MYO1H: variants seen among roughly 807,000 people sequenced by gnomAD.
MYO1H encodes the protein myosin IH.
In MYO1H, 118 loss-of-function variants were observed where a neutral mutation model predicts 149.3. The observed-to-expected ratio is 0.79, with a 90% confidence interval of 0.68 to 0.92. The LOEUF is 0.92. Among genes scored for constraint, MYO1H ranks in the 40% least tolerant of loss-of-function variants. MYO1H has a pLI of 0.00. For missense variants in MYO1H, 1,212 were observed against 1,280.7 expected, an observed-to-expected ratio of 0.95 and a Z score of 0.82; for synonymous variants, 447 against 465.2, an observed-to-expected ratio of 0.96 and a Z score of 0.50.
chr12:109,410,713 A>G (rs1320166264), exon 13 of MYO1H: 7 of 1,601,290 alleles, frequency 4.4e-6, no homozygotes, highest in Non-Finnish European at 6.0e-6. Flanking sequence ...TATTTCAACA[A>G]CAAGATCATC....
chr12:109,387,818 C>T (rs1166149770), intron 1 of MYO1H, among the ~76,000 whole-genome samples: 5 of 152,356 alleles, frequency 3.3e-5, no homozygotes, highest in East Asian at 3.9e-4. Context: ...CCTCTCCCAA[C>T]GCACACCTGC....
At chr12:109,356,415 C>G (rs1351893514) in intron 1 of MYO1H, among the ~76,000 whole-genome samples, 1 of 151,758 alleles carries the variant, frequency 6.6e-6, no homozygotes, top group Non-Finnish European at 1.5e-5. Context: ...TTTACAAGAT[C>G]AGCTACAAAT....
intron 15 of MYO1H, among the ~76,000 whole-genome samples, chr12:109,416,386 T>C (rs1870913076): frequency 6.6e-6 from 1 of 151,844 alleles, no homozygotes. Context: ...TTGGTTTTTT[T>C]TTTTTTGACA....
intron 1 of MYO1H, among the ~76,000 whole-genome samples, chr12:109,379,505 T>TTTA (rs1566021457): frequency 6.6e-6 from 1 of 152,198 alleles, no homozygotes; most frequent in Non-Finnish European, 1.5e-5. Context: ...ACTATGGGAT[T>TTTA]GTTTTAGTAA....
intron 22 of MYO1H, among the ~76,000 whole-genome samples, chr12:109,438,086 T>TA (rs58487735): frequency 0.37 from 35,674 of 96,682 alleles, 6,547 homozygotes; most frequent in African/African-American, 0.44. Context: ...AGGCTCTGTC[T>TA]AAAAAAAAAA....
At chr12:109,338,136 A>G in the MYO1H span, among the ~76,000 whole-genome samples, 1 of 152,042 alleles carries the variant, frequency 6.6e-6, no homozygotes, top group South Asian at 2.1e-4. Context: ...TGGCGCCATT[A>G]TGGCTCACTG....
At chr12:109,446,275 T>C in intron 31 of MYO1H, 4 of 985,424 alleles carry the variant, frequency 4.1e-6, no homozygotes, top group Non-Finnish European at 4.8e-6. Context: ...GTCCCAGTGG[T>C]CCTCGCTGGC....
chr12:109,432,296 G>A (rs866379649), intron 19 of MYO1H, among the ~76,000 whole-genome samples: 9 of 151,878 alleles, frequency 5.9e-5, no homozygotes, highest in African/African-American at 1.2e-4. Context: ...GAGCCCCTGC[G>A]CCTGGCCTTT....
chr12:109,427,428 TG>T, intron 18 of MYO1H, 40 bp from the exon 19 acceptor site: 1 of 1,331,212 alleles, frequency 7.5e-7, no homozygotes, highest in Non-Finnish European at 1.1e-6. Flanking sequence ...TATGAAGCCA[TG>T]GGATCCTTTC....
exon 32 of MYO1H, chr12:109,447,283 A>AC: frequency 9.6e-7 from 1 of 1,043,406 alleles, no homozygotes; most frequent in South Asian, 1.3e-5. Flanking sequence ...TCTTCAAGGT[A>AC]CCAGGCCCGC....
At chr12:109,370,857 C>T (rs1566019998) in intron 1 of MYO1H, among the ~76,000 whole-genome samples, 1 of 152,178 alleles carries the variant, frequency 6.6e-6, no homozygotes. Context: ...ATGAAAAAGA[C>T]TTACCCCTGA....
At chr12:109,311,881 T>C in the MYO1H span, among the ~76,000 whole-genome samples, 1 of 152,134 alleles carries the variant, frequency 6.6e-6, no homozygotes, top group Non-Finnish European at 1.5e-5. Context: ...AAGCAATAGG[T>C]ATGTGGCTTT....
At chr12:109,321,312 G>A in the MYO1H span, among the ~76,000 whole-genome samples, 1 of 152,190 alleles carries the variant, frequency 6.6e-6, no homozygotes, top group East Asian at 1.9e-4. Context: ...AGCACTGGGA[G>A]GCTGAGGCAA....
the MYO1H span, among the ~76,000 whole-genome samples, chr12:109,330,035 G>A: frequency 7.9e-5 from 12 of 152,156 alleles, no homozygotes; most frequent in Non-Finnish European, 1.0e-4. Flanking sequence ...GGGGGCCTGG[G>A]ACAGAAAACA....
chr12:109,331,254 G>A, the MYO1H span, among the ~76,000 whole-genome samples: 3 of 152,188 alleles, frequency 2.0e-5, no homozygotes, highest in Non-Finnish European at 4.4e-5. Context: ...AGAGTTTTTA[G>A]TTGTCCCAGC....
chr12:109,401,252 C>A (rs1357235250), exon 6 of MYO1H: 1 of 1,612,678 alleles, frequency 6.2e-7, no homozygotes, highest in East Asian at 2.2e-5. Flanking sequence ...AGACCCCCAG[C>A]TGTATAAATA....
intron 6 of MYO1H, chr12:109,401,559 A>G (rs1870161443): frequency 3.5e-6 from 1 of 287,050 alleles, no homozygotes; most frequent in East Asian, 6.5e-5. Flanking sequence ...CCTGGGCCAT[A>G]CCCTCCAGAG....
chr12:109,338,786 A>G, the MYO1H span, among the ~76,000 whole-genome samples: 4 of 138,302 alleles, frequency 2.9e-5, no homozygotes, highest in African/African-American at 1.0e-4. Context: ...AAAAAAAAAA[A>G]AAAATCATTT....
At chr12:109,432,711 T>G (rs1423471259) in intron 19 of MYO1H, among the ~76,000 whole-genome samples, 186 bp from the exon 20 acceptor site, 1 of 152,196 alleles carries the variant, frequency 6.6e-6, no homozygotes, top group Non-Finnish European at 1.5e-5. Flanking sequence ...AAACAGTTTC[T>G]CTCTCCTTTC....
Sources: gnomAD v4.1 joint callset for allele counts (sites outside exome capture counted in the v4.1 genomes callset) on GRCh38, gnomAD v4.1.1 for gene constraint, MANE v1.5 for transcripts, NCBI Gene and HGNC (gene_info 2026-07-23, HGNC 2026-07-21) for gene names.